CEP170: variants seen among roughly 807,000 people sequenced by gnomAD.
CEP170 encodes centrosomal protein of 170 kDa.
In CEP170, 21 loss-of-function variants were observed where a neutral mutation model predicts 151.9. The observed-to-expected ratio is 0.14, with a 90% CI of 0.10 to 0.20. CEP170 has a LOEUF of 0.20. Ranked by LOEUF, CEP170 falls within the 10% of genes least tolerant of loss-of-function variation. CEP170 has a pLI of 1.00. For synonymous variants in CEP170, 356 were observed against 648.8 expected (o/e 0.55, Z 6.86); for missense variants, 964 against 1,892.9 (o/e 0.51, Z 9.11).
chr1:243,202,065 A>G (rs1046957782), intron 4 of CEP170, among the ~76,000 whole-genome samples: 1 of 152,184 alleles, frequency 6.6e-6, no homozygotes, highest in Admixed American at 6.6e-5. Flanking sequence ...CCATCAACTG[A>G]TAAGTGGTTT....
intron 7 of CEP170, among the ~76,000 whole-genome samples, chr1:243,194,816 A>G (rs2060534573): frequency 6.6e-6 from 1 of 151,892 alleles, no homozygotes; most frequent in African/African-American, 2.4e-5. Context: ...TGTTTAGACT[A>G]ATATTATATT....
intron 13 of CEP170, among the ~76,000 whole-genome samples, chr1:243,161,406 T>A (rs2058056757): frequency 6.6e-6 from 1 of 151,910 alleles, no homozygotes; most frequent in South Asian, 2.1e-4. Context: ...CATACAGAAC[T>A]CTTCTCTTCA....
Position 243,126,379 on chromosome 1 carries a change from T to A in CEP170, c.*70A>T. The A allele has an allele frequency of 2.0e-6, 3 of 1,486,454 alleles. No individual in the cohort carries two copies. The highest frequency in any genetic ancestry group is 2.4e-5 in the East Asian group (1 of 41,892). 92.1% of individuals were successfully genotyped at this position (1,486,454 alleles called of 1,614,324 possible). ...ACCAAGCTGTCTTGTTTTGCGTACATCAACACTATGCTGCTTCCAATATTC... is the reference window on the plus strand; with the variant it reads ...ACCAAGCTGTCTTGTTTTGCGTACAACAACACTATGCTGCTTCCAATATTC... On this transcript the variant is annotated 3_prime_UTR_variant, in exon 20 of 20. Coordinates refer to ENST00000366542, the MANE Select transcript of CEP170 (RefSeq NM_014812.3).
chr1:243,143,469 A>T (rs1412062933), intron 14 of CEP170, among the ~76,000 whole-genome samples: 5 of 152,154 alleles, frequency 3.3e-5, no homozygotes, highest in Non-Finnish European at 7.3e-5. Context: ...TACCTGTGAT[A>T]ATCAAAGGTG....
chr1:243,151,007 T>C (rs536457027), intron 14 of CEP170, among the ~76,000 whole-genome samples: 21 of 152,268 alleles, frequency 1.4e-4, no homozygotes, highest in African/African-American at 4.3e-4. Flanking sequence ...ACCACATCCC[T>C]GTCACTGAGG....
intron 13 of CEP170, among the ~76,000 whole-genome samples, chr1:243,157,098 G>T (rs1180759515): frequency 6.6e-6 from 1 of 152,180 alleles, no homozygotes; most frequent in African/African-American, 2.4e-5. Context: ...ACAACTCTCT[G>T]CTGCTTTGAC....
rs182605388 is a variant in CEP170 at position 243,214,471 on chromosome 1, C to T, written c.196-2507G>A. Among the ~76,000 whole-genome samples, 604 of 151,080 alleles carry T rather than the reference C, an allele frequency of 4.0e-3. 2 individuals carry two copies. The highest frequency in any genetic ancestry group is 9.2e-3 in the South Asian group (44 of 4,770). On this transcript the variant is annotated intron_variant, in intron 3 of 19. Transcript: ENST00000366542. ...TGGCTAATTTTTGTATTTTTAGTAG[C>T]GATGGGGTTTCACCAGGTTAGCCAA...
intron 1 of CEP170, among the ~76,000 whole-genome samples, chr1:243,252,239 T>C (rs1217278930): frequency 2.6e-5 from 4 of 152,164 alleles, no homozygotes; most frequent in African/African-American, 9.7e-5. Context: ...GATACTTTAG[T>C]TAGCAATTAA....
chr1:243,167,916 C>T (rs959880430), intron 12 of CEP170, among the ~76,000 whole-genome samples: 7 of 151,706 alleles, frequency 4.6e-5, no homozygotes, highest in African/African-American at 1.5e-4. Context: ...TTAACAAAAA[C>T]GTTTTATTAT....
chr1:243,221,201 T>A (rs901952928), intron 3 of CEP170, among the ~76,000 whole-genome samples: 1 of 152,166 alleles, frequency 6.6e-6, no homozygotes, highest in East Asian at 1.9e-4. Flanking sequence ...ATTTTTTGCA[T>A]GTTTAGTAGA....
chr1:243,178,457 T>C (rs1482721551), intron 10 of CEP170, among the ~76,000 whole-genome samples: 1 of 150,458 alleles, frequency 6.6e-6, no homozygotes, highest in Non-Finnish European at 1.5e-5. Context: ...ATGTCTAGAA[T>C]AAGCAAATCC....
At chr1:243,150,320 T>G (rs2056944531) in intron 14 of CEP170, among the ~76,000 whole-genome samples, 1 of 152,086 alleles carries the variant, frequency 6.6e-6, no homozygotes, top group Non-Finnish European at 1.5e-5. Flanking sequence ...CCGGCTAATT[T>G]TTGTATTTTT....
At chr1:243,126,768 G>A (rs2053741815) in intron 19 of CEP170, 30 bp from the exon 20 acceptor site, 1 of 1,555,618 alleles carries the variant, frequency 6.4e-7, no homozygotes, top group Non-Finnish European at 8.7e-7. Flanking sequence ...AATAATTTTA[G>A]ATGCAGTTAC....
At chr1:243,251,736 G>C (rs2065957916) in intron 1 of CEP170, among the ~76,000 whole-genome samples, 2 of 152,076 alleles carry the variant, frequency 1.3e-5, no homozygotes, top group African/African-American at 2.4e-5. Context: ...ATGCATGCTT[G>C]GGATTCTTTT....
intron 4 of CEP170, among the ~76,000 whole-genome samples, chr1:243,210,980 T>A (rs1346953786): frequency 6.6e-6 from 1 of 151,946 alleles, no homozygotes; most frequent in Non-Finnish European, 1.5e-5. Flanking sequence ...ACTTTAAGCA[T>A]CTACTCTATT....
intron 14 of CEP170, among the ~76,000 whole-genome samples, chr1:243,143,468 T>A (rs1172359672): frequency 1.3e-5 from 2 of 152,142 alleles, no homozygotes; most frequent in Admixed American, 1.3e-4. Flanking sequence ...TTACCTGTGA[T>A]AATCAAAGGT....
chr1:243,242,786 C>T (rs1416711194), intron 1 of CEP170, among the ~76,000 whole-genome samples: 3 of 152,126 alleles, frequency 2.0e-5, no homozygotes, highest in Admixed American at 1.3e-4. Context: ...CTGCAACCTC[C>T]GCCTCCCAGG....
intron 1 of CEP170, among the ~76,000 whole-genome samples, chr1:243,234,001 G>T (rs962983696): frequency 6.6e-6 from 1 of 152,044 alleles, no homozygotes; most frequent in Non-Finnish European, 1.5e-5. Flanking sequence ...TTCTATAAAT[G>T]ATAGTCAGTG....
At chr1:243,177,770 G>A (rs2631115) in intron 10 of CEP170, among the ~76,000 whole-genome samples, 2 of 152,140 alleles carry the variant, frequency 1.3e-5, no homozygotes, top group African/African-American at 4.8e-5. Context: ...ATAAGTTATT[G>A]TGAATATTTA....
Sources: gnomAD v4.1 joint callset for allele counts (sites outside exome capture counted in the v4.1 genomes callset) on GRCh38, gnomAD v4.1.1 for gene constraint, MANE v1.5 for transcripts, NCBI Gene and HGNC (gene_info 2026-07-23, HGNC 2026-07-21) for gene names.